Variants in CLEC2L observed in about 807,000 individuals in gnomAD.
CLEC2L encodes the protein C-type lectin domain family 2 member L.
In CLEC2L, 14 loss-of-function variants were observed where a neutral mutation model predicts 23.6. The observed-to-expected ratio is 0.59, with a 90% CI of 0.39 to 0.93. CLEC2L has a LOEUF of 0.93. Ranked by LOEUF, CLEC2L falls within the 40% of genes least tolerant of loss-of-function variation. The probability of loss-of-function intolerance (pLI) is 0.00; values close to 1 mark genes in which losing one functional copy is unlikely to be tolerated. For synonymous variants in CLEC2L, 114 were observed against 121.3 expected, an observed-to-expected ratio of 0.94 and a Z score of 0.40; for missense variants, 264 against 282.4, an observed-to-expected ratio of 0.93 and a Z score of 0.47.
intron 2 of CLEC2L, among the ~76,000 whole-genome samples, chr7:139,537,613 AG>A (rs1797677980): frequency 6.6e-6 from 1 of 151,872 alleles, no homozygotes; most frequent in Admixed American, 6.6e-5. Flanking sequence ...GGGGTATGAG[AG>A]GGGATGGGGT....
At chr7:139,536,473 A>T in intron 2 of CLEC2L, 125 bp downstream of exon 2, 1 of 774,352 alleles carries the variant, frequency 1.3e-6, no homozygotes, top group Non-Finnish European at 2.1e-6. Flanking sequence ...ATAAGTAGAA[A>T]ATACATAGTG....
At chr7:139,543,552 A>T (rs537286013) in intron 4 of CLEC2L, among the ~76,000 whole-genome samples, 1 of 152,200 alleles carries the variant, frequency 6.6e-6, no homozygotes, top group Non-Finnish European at 1.5e-5. Context: ...AACTAAGGCT[A>T]AGAAGAAACC....
At chr7:139,544,125 A>C in intron 4 of CLEC2L, 106 bp from the exon 5 acceptor site, 1 of 733,436 alleles carries the variant, frequency 1.4e-6, no homozygotes, top group Non-Finnish European at 2.3e-6. Flanking sequence ...TCCAGTGATG[A>C]AGTGAGGGAG....
In CLEC2L at chr7:139,544,374, A is replaced by C; in HGVS notation, c.*32A>C. The C allele has an allele frequency of 6.7e-7, 1 of 1,481,740 alleles. No homozygotes were observed. The highest frequency in any genetic ancestry group is 9.3e-7 in the Non-Finnish European group (1 of 1,071,756). The allele number at this position is 1,481,740 out of a possible 1,614,324, so 91.8% of individuals were successfully genotyped here. A position where few individuals can be genotyped will look rare whatever the true frequency, so the allele number is the denominator to read the frequency against. ...TGGGGCCAGAGGTGGCCCCGCCCCTAGGCCTGTGGGAGGTGTCTGGTGTCT... is the reference window on the plus strand; with the variant it reads ...TGGGGCCAGAGGTGGCCCCGCCCCTCGGCCTGTGGGAGGTGTCTGGTGTCT... On this transcript the variant is annotated 3_prime_UTR_variant, in exon 5 of 5. Transcript: ENST00000422142.
chr7:139,531,496 AG>A (rs1797582317), intron 1 of CLEC2L, among the ~76,000 whole-genome samples: 1 of 152,210 alleles, frequency 6.6e-6, no homozygotes, highest in East Asian at 1.9e-4. Flanking sequence ...AGCAAACAAG[AG>A]GGGAAAATAA....
Position 139,539,833 on chromosome 7 carries a change from A to G in CLEC2L, c.266-488A>G. ...GGGACAGGTTGGGACTCAACATTTA[A>G]GAACTTTCCATGCACACTGACAGCA... On this transcript the variant is annotated intron_variant, in intron 2 of 4. Coordinates refer to ENST00000422142, the MANE Select transcript of CLEC2L (RefSeq NM_001080511.4). The surrounding 1 kb of genome is among the most constrained non-coding windows in gnomAD (Gnocchi z 4.1). 5.9e-6 allele frequency: 1 copy of G among 170,124 alleles called. No individual in the cohort carries two copies. The highest frequency in any genetic ancestry group is 1.3e-5 in the Non-Finnish European group (1 of 79,120). The allele number at this position is 170,124 out of a possible 1,614,324, so 10.5% of individuals were successfully genotyped here.
At chr7:139,542,464 G>T (rs904787594) in intron 4 of CLEC2L, among the ~76,000 whole-genome samples, 1 of 152,192 alleles carries the variant, frequency 6.6e-6, no homozygotes, top group South Asian at 2.1e-4. Flanking sequence ...CAGCCAGAAC[G>T]GGACAGAGAA....
chr7:139,525,678 C>G (rs532733795), intron 1 of CLEC2L, among the ~76,000 whole-genome samples: 4 of 152,300 alleles, frequency 2.6e-5, no homozygotes, highest in Admixed American at 1.3e-4. Context: ...TATTCGTCAG[C>G]ATTTCTGAAG....
Position 139,523,955 on chromosome 7 carries a change from C to T in CLEC2L, c.28C>T (p.Arg10Trp), listed in dbSNP as rs906556189. 2 of 971,036 alleles carry T rather than the reference C, an allele frequency of 2.1e-6. No homozygotes were observed. The highest frequency in any genetic ancestry group is 2.4e-6 in the Non-Finnish European group (2 of 820,058). 60.2% of individuals were successfully genotyped at this position (971,036 alleles called of 1,614,324 possible). Residue 10 changes from arginine to tryptophan, a missense_variant, in exon 1 of 5, where the codon CGG becomes TGG. Arg to Trp is a moderately radical substitution (Grantham distance 101, BLOSUM62 -3). Coordinates refer to ENST00000422142, the MANE Select transcript of CLEC2L (RefSeq NM_001080511.4). This position sits in a 1 kb window ranked among gnomAD's most constrained non-coding sequence, Gnocchi z 4.1. Reference protein sequence around the residue: MEPAREPPSRARPPPPLAAR... With the variant: MEPAREPPSWARPPPPLAAR... ...GGAGCCGGCCCGGGAGCCCCCCTCGCGGGCCCGGCCGCCGCCGCCCCTCGC... is the reference window on the plus strand; with the variant it reads ...GGAGCCGGCCCGGGAGCCCCCCTCGTGGGCCCGGCCGCCGCCGCCCCTCGC...
intron 1 of CLEC2L, chr7:139,534,216 C>A: frequency 1.2e-6 from 1 of 833,908 alleles, no homozygotes. Context: ...GTGTCGGCAG[C>A]GGCTGTAGCA....
At chr7:139,542,565 C>T (rs1237442719) in intron 4 of CLEC2L, among the ~76,000 whole-genome samples, 1 of 152,236 alleles carries the variant, frequency 6.6e-6, no homozygotes, top group Non-Finnish European at 1.5e-5. Flanking sequence ...GGAGATGCGC[C>T]TCTGTCCCGG....
At chr7:139,543,533 CG>C (rs1271959599) in intron 4 of CLEC2L, among the ~76,000 whole-genome samples, 4 of 152,184 alleles carry the variant, frequency 2.6e-5, no homozygotes, top group Non-Finnish European at 5.9e-5. Context: ...ATCGGAGGTC[CG>C]GGTGAACAAC....
rs537278446 is a variant in CLEC2L at position 139,543,119 on chromosome 7, G to A, written c.533+998G>A. Among the ~76,000 whole-genome samples, 4 of 152,298 alleles carry A rather than the reference G, an allele frequency of 2.6e-5. No individual in the cohort carries two copies. The South Asian group carries it at 8.3e-4, about 32-fold the overall frequency. On this transcript the variant is annotated intron_variant, in intron 4 of 4. Coordinates refer to ENST00000422142, the MANE Select transcript of CLEC2L (RefSeq NM_001080511.4). ...GTGGCCATCAGCTGCCCTCCCACCT[G>A]AGGATGGCTTAGGCAGTCACGCCCA...
chr7:139,527,590 AGGTGACCC>A (rs1357366829), intron 1 of CLEC2L, among the ~76,000 whole-genome samples: 1 of 152,140 alleles, frequency 6.6e-6, no homozygotes, highest in Non-Finnish European at 1.5e-5. Flanking sequence ...AGGCTAGAAA[AGGTGACCC>A]GGAGAGCCCG....
Position 139,542,107 on chromosome 7 carries a change from G to T in CLEC2L, c.519G>T (p.Pro173=). The change falls in exon 4 of 5, where the codon CCG becomes CCT. Residue 173 remains proline, a synonymous_variant. Transcript: ENST00000422142. ...GDEFHWVNGD[P]FDPDTFTIAG... is the part of the protein sequence containing the mutation. Reference sequence around the variant, plus strand: ...AATTCCACTGGGTCAACGGGGACCCGTTTGATCCGGACACGTGAGCTGAGG... The same window carrying T: ...AATTCCACTGGGTCAACGGGGACCCTTTTGATCCGGACACGTGAGCTGAGG... The T allele has an allele frequency of 6.2e-7, 1 of 1,609,752 alleles. No homozygotes were observed. The highest frequency in any genetic ancestry group is 8.5e-7 in the Non-Finnish European group (1 of 1,177,662).
intron 1 of CLEC2L, among the ~76,000 whole-genome samples, chr7:139,532,894 A>G (rs930078523): frequency 6.6e-6 from 1 of 152,242 alleles, no homozygotes; most frequent in Non-Finnish European, 1.5e-5. Flanking sequence ...TTGTTATAGC[A>G]GACTGAACTA....
intron 1 of CLEC2L, among the ~76,000 whole-genome samples, chr7:139,524,887 A>C (rs954081027): frequency 6.6e-6 from 1 of 152,090 alleles, no homozygotes; most frequent in Non-Finnish European, 1.5e-5. Context: ...AGCATTAACT[A>C]GGGAAGCCTG....
rs1397613940 is a variant in CLEC2L, at chr7:139,536,353, G to A, written c.265+5G>A. ...TGGTGGTGATGAGCATCTTGGGTGA[G>A]CATGCGTGTCAGAGCATTTATGCAT... is the stretch of plus-strand genomic sequence containing the variant. On this transcript the variant is annotated splice_donor_5th_base_variant and intron_variant, in intron 2 of 4. Transcript: ENST00000422142. The A allele has an allele frequency of 1.3e-6, 2 of 1,550,954 alleles. No individual in the cohort carries two copies. Among genetic ancestry groups the A allele is most frequent in the Non-Finnish European group, 8.7e-7 (1 of 1,146,472 alleles).
chr7:139,541,105 T>G (rs1797728980), intron 3 of CLEC2L, among the ~76,000 whole-genome samples: 1 of 151,914 alleles, frequency 6.6e-6, no homozygotes, highest in Non-Finnish European at 1.5e-5. Context: ...GCCTCCTGGG[T>G]TCAAATGATT....
Sources: allele counts gnomAD v4.1 joint callset (sites outside exome capture counted in the v4.1 genomes callset), GRCh38; gene constraint gnomAD v4.1.1; non-coding constraint Gnocchi (gnomAD v3.1); transcripts MANE v1.5; gene names NCBI Gene and HGNC (gene_info 2026-07-23, HGNC 2026-07-21).